CLXN: variants seen among roughly 807,000 people sequenced by gnomAD.
CLXN encodes the protein EF-hand calcium binding domain 1.
chr8:48,734,470 C>T, the CLXN span: 1 of 152,198 alleles, frequency 6.6e-6, no homozygotes, highest in Admixed American at 6.5e-5. Context: ...GCAAAGTCTC[C>T]TTTATCTTTC....
chr8:48,713,338 T>TC, the CLXN span, among the ~76,000 whole-genome samples: 1 of 152,150 alleles, frequency 6.6e-6, no homozygotes, highest in African/African-American at 2.4e-5. Context: ...TTCCCAATCC[T>TC]CCCTTGGTTG....
chr8:48,711,135 A>C, the CLXN span: 5 of 152,146 alleles, frequency 3.3e-5, no homozygotes, highest in Non-Finnish European at 7.3e-5. Context: ...CCAGCTGTCT[A>C]TCCTTGGGCT....
chr8:48,731,305 T>A, the CLXN span: 2 of 1,545,068 alleles, frequency 1.3e-6, no homozygotes, highest in African/African-American at 1.4e-5. Context: ...TTTTTTTCAG[T>A]TATGGCTGGA....
the CLXN span, chr8:48,711,624 T>C: frequency 2.0e-5 from 3 of 152,202 alleles, no homozygotes; most frequent in African/African-American, 4.8e-5. Context: ...GATCTCACAA[T>C]ACATGTACAC....
chr8:48,729,977 GTCT>G, the CLXN span: 1 of 1,017,032 alleles, frequency 9.8e-7, no homozygotes, highest in Non-Finnish European at 1.4e-6. Flanking sequence ...GTACCCACAG[GTCT>G]TAGTGCAGCC....
At chr8:48,718,487 A>G in the CLXN span, among the ~76,000 whole-genome samples, 1 of 152,154 alleles carries the variant, frequency 6.6e-6, no homozygotes, top group Admixed American at 6.5e-5. Flanking sequence ...CATGTACAGA[A>G]CTTTCTATCC....
chr8:48,721,918 C>A, the CLXN span, among the ~76,000 whole-genome samples: 1 of 152,112 alleles, frequency 6.6e-6, no homozygotes, highest in Non-Finnish European at 1.5e-5. Flanking sequence ...GACAAAAACA[C>A]AGGCAGCAAA....
chr8:48,712,764 G>T, the CLXN span, among the ~76,000 whole-genome samples: 1 of 152,110 alleles, frequency 6.6e-6, no homozygotes, highest in Non-Finnish European at 1.5e-5. Context: ...ACATTGGGAG[G>T]CTGAGGAGGG....
the CLXN span, chr8:48,731,302 C>A: frequency 2.7e-6 from 4 of 1,504,866 alleles, no homozygotes; most frequent in East Asian, 2.5e-5. Flanking sequence ...CTTTTTTTTT[C>A]AGTTATGGCT....
At chr8:48,723,769 T>A in the CLXN span, 1 of 151,820 alleles carries the variant, frequency 6.6e-6, no homozygotes, top group Non-Finnish European at 1.5e-5. Context: ...GATAAGGGGG[T>A]ACACAAGGGG....
At chr8:48,731,653 C>A in the CLXN span, 8 of 622,110 alleles carry the variant, frequency 1.3e-5, no homozygotes, top group African/African-American at 1.3e-4. Flanking sequence ...ATTCATGAAC[C>A]CTTAACTTAA....
chr8:48,735,241 G>T, the CLXN span: 1 of 1,437,708 alleles, frequency 7.0e-7, no homozygotes, highest in Non-Finnish European at 9.7e-7. Context: ...CCCTGGTGCT[G>T]GGTCAACGCG....
the CLXN span, among the ~76,000 whole-genome samples, chr8:48,714,154 C>G: frequency 6.6e-6 from 1 of 152,170 alleles, no homozygotes; most frequent in Non-Finnish European, 1.5e-5. Context: ...AAAGTCAGGC[C>G]AAGCCTAGCA....
chr8:48,731,689 T>G, the CLXN span, among the ~76,000 whole-genome samples: 1 of 117,854 alleles, frequency 8.5e-6, no homozygotes, highest in Non-Finnish European at 1.7e-5. Context: ...CAGCATACCC[T>G]CCAAACAGGA....
chr8:48,729,241 T>G, the CLXN span: 1 of 1,060,314 alleles, frequency 9.4e-7, no homozygotes, highest in Non-Finnish European at 1.4e-6. Context: ...AAAAATGTGC[T>G]AGGCTGGGGA....
At chr8:48,732,994 C>A in the CLXN span, among the ~76,000 whole-genome samples, 2 of 152,060 alleles carry the variant, frequency 1.3e-5, no homozygotes, top group Non-Finnish European at 2.9e-5. Flanking sequence ...CCACTGGGAA[C>A]AATGAACAAG....
the CLXN span, among the ~76,000 whole-genome samples, chr8:48,722,909 CA>C: frequency 6.6e-6 from 1 of 152,070 alleles, no homozygotes; most frequent in Non-Finnish European, 1.5e-5. Flanking sequence ...ACAAATACTG[CA>C]TGTTCTCACT....
the CLXN span, among the ~76,000 whole-genome samples, chr8:48,727,707 G>A: frequency 6.6e-6 from 1 of 152,258 alleles, no homozygotes; most frequent in East Asian, 1.9e-4. Flanking sequence ...GAGCATGGGA[G>A]GGGCCTGGCA....
chr8:48,730,801 T>C, the CLXN span, among the ~76,000 whole-genome samples: 1 of 152,220 alleles, frequency 6.6e-6, no homozygotes, highest in African/African-American at 2.4e-5. Context: ...GACATCATAA[T>C]ATCATGAAAC....
Sources: gnomAD v4.1 joint callset for allele counts (sites outside exome capture counted in the v4.1 genomes callset) on GRCh38, gnomAD v4.1.1 for gene constraint, MANE v1.5 for transcripts, NCBI Gene and HGNC (gene_info 2026-07-23, HGNC 2026-07-21) for gene names.